RBFOX1: variants seen among roughly 807,000 people sequenced by gnomAD.
The protein encoded by RBFOX1 is RNA binding protein fox-1 homolog 1.
A neutral mutation model predicts 57.7 loss-of-function variants in RBFOX1; 8 were observed. The observed-to-expected ratio is 0.14, with a 90% CI of 0.08 to 0.25. The LOEUF is 0.25. RBFOX1 is among the 10% of genes least tolerant of loss of function. RBFOX1 has a pLI of 1.00. For missense variants in RBFOX1, 611 were observed against 548.5 expected (o/e 1.11, Z -1.14); for synonymous variants, 326 against 222.4 (o/e 1.47, Z -4.15).
chr16:7,425,541 C>T lies in RBFOX1; in HGVS notation c.28-92606C>T, dbSNP rs143810028. The stretch of plus-strand genomic sequence containing the variant: ...ACTTTAAATATCACCTTATTTCTGG[C>T]GGTCTCTTTTGTTTCCAAGTGGCAA... On this transcript the variant is annotated intron_variant, in intron 4 of 15. Coordinates refer to ENST00000550418, the MANE Select transcript of RBFOX1 (RefSeq NM_018723.4). Among the ~76,000 whole-genome samples the T allele has an allele frequency of 1.9e-4, 29 of 152,262 alleles. No homozygotes were observed. The East Asian group carries it at 3.7e-3, about 19-fold the overall frequency.
intron 4 of RBFOX1, among the ~76,000 whole-genome samples, chr16:7,460,012 A>T (rs1030642525): frequency 1.3e-5 from 2 of 152,182 alleles, no homozygotes; most frequent in Non-Finnish European, 2.9e-5. Flanking sequence ...AGAAACAGGT[A>T]TGATTTCACA....
At chr16:6,050,387 T>G (rs1336878423) in intron 1 of RBFOX1, among the ~76,000 whole-genome samples, 5 of 152,222 alleles carry the variant, frequency 3.3e-5, no homozygotes, top group Admixed American at 3.3e-4. Flanking sequence ...TTTCTCACAG[T>G]CTGGTGTTTG....
At chr16:7,245,779 C>G (rs960433263) in intron 4 of RBFOX1, among the ~76,000 whole-genome samples, 2 of 152,128 alleles carry the variant, frequency 1.3e-5, no homozygotes, top group African/African-American at 4.8e-5. Flanking sequence ...CCCTTTTTGT[C>G]CATCAGTCTT....
At chr16:5,720,682 G>T (rs1349034771) in intron 3 of RBFOX1, among the ~76,000 whole-genome samples, 2 of 152,136 alleles carry the variant, frequency 1.3e-5, no homozygotes, top group African/African-American at 4.8e-5. Flanking sequence ...TTGTTGAAAA[G>T]ATTATTCTCT....
intron 2 of RBFOX1, among the ~76,000 whole-genome samples, chr16:5,489,576 C>G (rs2042757412): frequency 6.6e-6 from 1 of 152,088 alleles, no homozygotes; most frequent in African/African-American, 2.4e-5. Context: ...GTGTCTATTC[C>G]TAGTGCTACC....
rs1428534351 is a variant in RBFOX1, at chr16:7,711,179, G to A, written c.*434G>A. On this transcript the variant is annotated 3_prime_UTR_variant, in exon 16 of 16. Transcript: ENST00000550418. ...CCTGCATTATTTTATTTTGCGAAAG[G>A]GGAGGTTGGGAGGGGCTTAGGGGAT... 1 of 152,582 alleles carries A rather than the reference G, an allele frequency of 6.6e-6. No individual in the cohort carries two copies. Among genetic ancestry groups the A allele is most frequent in the African/African-American group, 2.4e-5 (1 of 41,340 alleles). The allele number at this position is 152,582 out of a possible 1,614,324, so 9.5% of individuals were successfully genotyped here. A position where few individuals can be genotyped will look rare whatever the true frequency, so the allele number is the denominator to read the frequency against.
chr16:7,140,890 G>C (rs563461744), intron 4 of RBFOX1, among the ~76,000 whole-genome samples: 1 of 152,300 alleles, frequency 6.6e-6, no homozygotes, highest in African/African-American at 2.4e-5. Context: ...GCTTCCATTA[G>C]GCGTTGGCAT....
chr16:7,594,807 G>T (rs995024237), intron 7 of RBFOX1, among the ~76,000 whole-genome samples: 3 of 152,162 alleles, frequency 2.0e-5, no homozygotes, highest in East Asian at 1.9e-4. Context: ...AGGATGGAAG[G>T]TTGTCAAATT....
chr16:7,061,138 A>C lies in RBFOX1; in HGVS notation c.27+9040A>C, dbSNP rs541148272. Among the ~76,000 whole-genome samples, 6 of 152,330 alleles carry C rather than the reference A, an allele frequency of 3.9e-5. No individual in the cohort carries two copies. In the East Asian group the frequency reaches 7.7e-4, roughly 20 times the overall value. ...CCAACTTTGTGATTTTCTCCAAGCA[A>C]AGGGAGTTTGCCCCAAAGTAATTAG... On this transcript the variant is annotated intron_variant, in intron 4 of 15. Transcript: ENST00000550418.
intron 1 of RBFOX1, among the ~76,000 whole-genome samples, chr16:5,323,523 C>T (rs900566977): frequency 1.3e-5 from 2 of 152,228 alleles, no homozygotes; most frequent in Admixed American, 6.5e-5. Context: ...TGTCTCTGCC[C>T]CACTGGGCTC....
intron 2 of RBFOX1, among the ~76,000 whole-genome samples, chr16:6,605,564 G>T (rs765773851): frequency 5.3e-5 from 8 of 152,152 alleles, no homozygotes; most frequent in Non-Finnish European, 8.8e-5. Flanking sequence ...GGAGTGATCG[G>T]AGTGAATCTC....
At chr16:6,828,788 C>T (rs77715897) in intron 3 of RBFOX1, among the ~76,000 whole-genome samples, 1,760 of 152,178 alleles carry the variant, frequency 0.012, 43 homozygotes, top group African/African-American at 0.04. Context: ...CCGAGAATAC[C>T]TACGTTTGGT....
intron 2 of RBFOX1, among the ~76,000 whole-genome samples, chr16:6,619,430 C>T (rs969273620): frequency 2.0e-5 from 3 of 152,168 alleles, no homozygotes; most frequent in Non-Finnish European, 2.9e-5. Flanking sequence ...TCTGCAAACT[C>T]ATTTGTGAAA....
At chr16:6,837,803 G>A (rs950507953) in intron 3 of RBFOX1, among the ~76,000 whole-genome samples, 10 of 152,152 alleles carry the variant, frequency 6.6e-5, no homozygotes, top group African/African-American at 2.2e-4. Flanking sequence ...TGGTAGAAGT[G>A]GTAGTAATGA....
chr16:7,418,316 G>A (rs867000733), intron 4 of RBFOX1, among the ~76,000 whole-genome samples: 1 of 152,174 alleles, frequency 6.6e-6, no homozygotes, highest in Admixed American at 6.5e-5. Context: ...TTTGAGTGGG[G>A]GACTTCATGC....
At chr16:5,450,673 AGG>A (rs1235831574) in intron 1 of RBFOX1, among the ~76,000 whole-genome samples, 8 of 152,288 alleles carry the variant, frequency 5.3e-5, no homozygotes, top group African/African-American at 1.7e-4. Context: ...GGTCAGAGTC[AGG>A]GAGGAAACTT....
At chr16:6,049,169 T>G (rs546096217) in intron 1 of RBFOX1, among the ~76,000 whole-genome samples, 1 of 151,288 alleles carries the variant, frequency 6.6e-6, no homozygotes, top group Non-Finnish European at 1.5e-5. Context: ...GTTCAAGTGA[T>G]TCTCCTGCCT....
intron 4 of RBFOX1, among the ~76,000 whole-genome samples, chr16:7,443,335 T>G (rs1201940247): frequency 2.6e-5 from 4 of 152,088 alleles, no homozygotes; most frequent in Non-Finnish European, 4.4e-5. Flanking sequence ...CTGTGCTGAG[T>G]GAATTCCTAC....
chr16:6,919,375 G>A (rs1478835254), intron 3 of RBFOX1, among the ~76,000 whole-genome samples: 1 of 151,948 alleles, frequency 6.6e-6, no homozygotes, highest in South Asian at 2.1e-4. Flanking sequence ...CAGCCCAGCA[G>A]TTTAGGTTCT....
Sources: gnomAD v4.1 joint callset for allele counts (sites outside exome capture counted in the v4.1 genomes callset) on GRCh38, gnomAD v4.1.1 for gene constraint, MANE v1.5 for transcripts, NCBI Gene and HGNC (gene_info 2026-07-23, HGNC 2026-07-21) for gene names.